GABRG3: variants seen among roughly 807,000 people sequenced by gnomAD.
The protein encoded by GABRG3 is gamma-aminobutyric acid type A receptor subunit gamma3.
Under a neutral mutation model 48.8 loss-of-function variants are expected in GABRG3, and 25 were observed. The observed-to-expected ratio is 0.51, with a 90% CI of 0.37 to 0.72. The LOEUF (loss-of-function observed/expected upper bound fraction) is 0.72, where lower values mean the gene tolerates loss of function less well. Ranked by LOEUF, GABRG3 falls within the 30% of genes least tolerant of loss-of-function variation. The pLI, the probability that GABRG3 is intolerant of heterozygous loss-of-function variation, is 0.00. For synonymous variants in GABRG3, 227 were observed against 217.6 expected, an observed-to-expected ratio of 1.04 and a Z score of -0.38; for missense variants, 394 against 577.9, an observed-to-expected ratio of 0.68 and a Z score of 3.26.
At chr15:27,468,313 G>A (rs1889678766) in intron 5 of GABRG3, among the ~76,000 whole-genome samples, 1 of 152,222 alleles carries the variant, frequency 6.6e-6, no homozygotes. Context: ...CTTTAACCAA[G>A]TGGTGGAATA....
At chr15:27,125,961 G>T (rs1220807761) in intron 3 of GABRG3, among the ~76,000 whole-genome samples, 2 of 152,204 alleles carry the variant, frequency 1.3e-5, no homozygotes. Flanking sequence ...CTTCCAAATG[G>T]CATGTTCCAG....
At chr15:27,256,863 A>G (rs909307491) in intron 3 of GABRG3, among the ~76,000 whole-genome samples, 13 of 152,216 alleles carry the variant, frequency 8.5e-5, no homozygotes, top group Non-Finnish European at 1.9e-4. Flanking sequence ...CATATTGTGA[A>G]TACTGCTGCA....
intron 5 of GABRG3, among the ~76,000 whole-genome samples, chr15:27,478,237 GAA>G (rs1265818196): frequency 6.6e-6 from 1 of 151,970 alleles, no homozygotes; most frequent in Admixed American, 6.5e-5. Flanking sequence ...CAGAAAGGGA[GAA>G]AATATTTTAA....
intron 3 of GABRG3, among the ~76,000 whole-genome samples, chr15:27,269,634 C>T (rs1277335719): frequency 6.6e-6 from 1 of 152,290 alleles, no homozygotes; most frequent in Non-Finnish European, 1.5e-5. Context: ...CCCTTGAAAG[C>T]AAACCACAGC....
intron 3 of GABRG3, among the ~76,000 whole-genome samples, chr15:27,053,104 C>G (rs1896482718): frequency 6.6e-6 from 1 of 152,108 alleles, no homozygotes; most frequent in Non-Finnish European, 1.5e-5. Flanking sequence ...TTGGCCTTGG[C>G]AAAGAATTTA....
chr15:27,407,486 T>C (rs952511898), intron 5 of GABRG3, among the ~76,000 whole-genome samples: 11 of 152,198 alleles, frequency 7.2e-5, no homozygotes, highest in African/African-American at 2.2e-4. Flanking sequence ...ACTGAAAACA[T>C]GTCTACCCAA....
chr15:27,288,621 G>T (rs564677078), intron 3 of GABRG3, among the ~76,000 whole-genome samples: 28 of 151,920 alleles, frequency 1.8e-4, no homozygotes, highest in Admixed American at 1.7e-3. Flanking sequence ...GCTGAGGCAG[G>T]AGAATCACTT....
At chr15:27,339,951 G>GGGA (rs1449912869) in intron 5 of GABRG3, among the ~76,000 whole-genome samples, 7 of 152,134 alleles carry the variant, frequency 4.6e-5, no homozygotes, top group Non-Finnish European at 8.8e-5. Context: ...AGTTGATGGA[G>GGGA]GGAGGAGGCG....
At chr15:27,301,681 AAAAAC>A (rs528570783) in intron 3 of GABRG3, among the ~76,000 whole-genome samples, 3 of 151,996 alleles carry the variant, frequency 2.0e-5, no homozygotes, top group Non-Finnish European at 2.9e-5. Context: ...TAAAACAGTT[AAAAAC>A]AAAACAAAAA....
intron 3 of GABRG3, among the ~76,000 whole-genome samples, chr15:27,302,097 A>G (rs1387863256): frequency 1.3e-5 from 2 of 152,180 alleles, no homozygotes; most frequent in African/African-American, 4.8e-5. Context: ...AGCATCAGAA[A>G]TGAAGGAAAA....
At chr15:27,000,099 C>A (rs1320532293) in intron 2 of GABRG3, among the ~76,000 whole-genome samples, 1 of 152,138 alleles carries the variant, frequency 6.6e-6, no homozygotes, top group Non-Finnish European at 1.5e-5. Context: ...TTTTGCTAAT[C>A]TAATTCTAGC....
chr15:27,275,471 A>G (rs990164904), intron 3 of GABRG3, among the ~76,000 whole-genome samples: 6 of 152,204 alleles, frequency 3.9e-5, no homozygotes, highest in African/African-American at 1.4e-4. Flanking sequence ...GGTCCTACTC[A>G]GTCAGGACCT....
chr15:27,509,898 A>G (rs1346701025), intron 6 of GABRG3, among the ~76,000 whole-genome samples: 7 of 152,162 alleles, frequency 4.6e-5, no homozygotes, highest in Non-Finnish European at 1.0e-4. Context: ...TGGTTTTTGT[A>G]TGTCCCATAA....
rs565973003 is a variant in GABRG3 at position 27,081,375 on chromosome 15, T to C, written c.270+54554T>C. On this transcript the variant is annotated intron_variant, in intron 3 of 9. Coordinates refer to ENST00000615808, the MANE Select transcript of GABRG3 (RefSeq NM_033223.5). ...TGATGAATTATAATACATATTCTGG[T>C]AGAATTAGTAGTTTCCTTAACTATT... Among the ~76,000 whole-genome samples the C allele has an allele frequency of 4.2e-3, 646 of 152,306 alleles. 3 individuals are homozygous for C. Among genetic ancestry groups the C allele is most frequent in the Non-Finnish European group, 7.1e-3 (482 of 68,024 alleles).
chr15:27,242,066 G>A (rs1390644767), intron 3 of GABRG3, among the ~76,000 whole-genome samples: 1 of 152,142 alleles, frequency 6.6e-6, no homozygotes, highest in Non-Finnish European at 1.5e-5. Context: ...GCTGTGTCCC[G>A]AATTGCTTCC....
chr15:27,287,459 G>A (rs1248822482), intron 3 of GABRG3, among the ~76,000 whole-genome samples: 3 of 152,292 alleles, frequency 2.0e-5, no homozygotes, highest in South Asian at 4.1e-4. Context: ...AATATTGGGT[G>A]AGGATATGCA....
chr15:27,265,147 C>G (rs543199577), intron 3 of GABRG3, among the ~76,000 whole-genome samples: 62 of 152,114 alleles, frequency 4.1e-4, no homozygotes, highest in Middle Eastern at 3.4e-3. Flanking sequence ...TCTAAAGCCC[C>G]TCCTCCATTT....
intron 3 of GABRG3, among the ~76,000 whole-genome samples, chr15:27,273,815 T>G (rs909980427): frequency 3.3e-5 from 5 of 152,200 alleles, no homozygotes; most frequent in African/African-American, 1.2e-4. Flanking sequence ...GGTATATCTA[T>G]TATCTATTGT....
At chr15:27,101,132 C>A (rs956695841) in intron 3 of GABRG3, among the ~76,000 whole-genome samples, 4 of 152,136 alleles carry the variant, frequency 2.6e-5, no homozygotes, top group African/African-American at 9.7e-5. Context: ...AAGATTATCA[C>A]CCAAATTCAG....
Sources: allele counts gnomAD v4.1 joint callset (sites outside exome capture counted in the v4.1 genomes callset), GRCh38; gene constraint gnomAD v4.1.1; transcripts MANE v1.5; gene names NCBI Gene and HGNC (gene_info 2026-07-23, HGNC 2026-07-21).